ERICH2: variants seen among roughly 807,000 people sequenced by gnomAD.
ERICH2 encodes glutamate rich 2, also known as glutamate-rich protein 2.
In ERICH2, 17 loss-of-function variants were observed where a neutral mutation model predicts 17.4. The observed-to-expected ratio is 0.98, with a 90% CI of 0.67 to 1.47. ERICH2 has a LOEUF of 1.47. Ranked by LOEUF, ERICH2 falls within the 40% of genes most tolerant of loss-of-function variation. The pLI is 0.00. For missense variants in ERICH2, 186 were observed against 183.2 expected (o/e 1.01, Z -0.09); for synonymous variants, 51 against 61.1 (o/e 0.83, Z 0.77).
exon 2 of ERICH2, chr2:170,784,688 A>G (rs1237373298): frequency 1.9e-6 from 3 of 1,541,826 alleles, no homozygotes; most frequent in African/African-American, 1.4e-5. Flanking sequence ...CAGGAGAAAA[A>G]TAATGAATAT....
intron 2 of ERICH2, among the ~76,000 whole-genome samples, chr2:170,786,865 C>G (rs1054400529): frequency 6.6e-6 from 1 of 152,018 alleles, no homozygotes; most frequent in African/African-American, 2.4e-5. Flanking sequence ...TTATTTCTGT[C>G]ATCATCATGT....
chr2:170,783,507 T>A (rs1397052046), upstream of ERICH2, among the ~76,000 whole-genome samples: 1 of 151,990 alleles, frequency 6.6e-6, no homozygotes, highest in Non-Finnish European at 1.5e-5. Context: ...CGAGATCACA[T>A]CACTGAACTC....
chr2:170,775,137 C>CTGAATA, the ERICH2 span, among the ~76,000 whole-genome samples: 6 of 151,712 alleles, frequency 4.0e-5, no homozygotes, highest in Non-Finnish European at 7.4e-5. Flanking sequence ...GAGGACTGCT[C>CTGAATA]TAAAGGTGGG....
At chr2:170,775,444 T>A in the ERICH2 span, among the ~76,000 whole-genome samples, 2 of 151,592 alleles carry the variant, frequency 1.3e-5, no homozygotes, top group African/African-American at 4.8e-5. Flanking sequence ...AATAATAATA[T>A]TATTAATAAA....
In ERICH2 at chr2:170,788,291, A is replaced by G. The variant is rs568318952; in HGVS notation, c.216+3458A>G. Among the ~76,000 whole-genome samples, 7 of 152,284 alleles carry G rather than the reference A, an allele frequency of 4.6e-5. No individual in the cohort carries two copies. The South Asian group carries it at 1.2e-3, about 27-fold the overall frequency. On this transcript the variant is annotated intron_variant, in intron 2 of 4. Coordinates refer to ENST00000409885, the Ensembl canonical transcript of ERICH2. ...TTCAATGACCCTATCTACCATAACT[A>G]GACTCTCTGGAGTTGTTTTGTTTTT...
In ERICH2 at chr2:170,798,767, C is replaced by T; in HGVS notation, c.347-3C>T. On this transcript the variant is annotated splice_region_variant and splice_polypyrimidine_tract_variant and intron_variant, in intron 4 of 4. Transcript: ENST00000409885. ...TAAGCAATCCTCTTCCTTTCTGTGG[C>T]AGAGAAAACTCAGAATCATGAGCAA... 3.9e-6 allele frequency: 6 copies of T among 1,550,356 alleles called. No homozygotes were observed. The highest frequency in any genetic ancestry group is 2.0e-5 in the Admixed American group (1 of 50,954).
chr2:170,775,746 T>C, the ERICH2 span: 4 of 153,794 alleles, frequency 2.6e-5, no homozygotes, highest in Non-Finnish European at 5.9e-5. Context: ...GCTAATCGAA[T>C]TAACGTATGT....
the ERICH2 span, chr2:170,771,026 C>A: frequency 6.6e-6 from 1 of 150,926 alleles, no homozygotes; most frequent in South Asian, 2.0e-4. The surrounding 1 kb of genome is among the most constrained non-coding windows in gnomAD (Gnocchi z 4.8). Context: ...ATTCCCCCAG[C>A]CCCCACCCTC....
the ERICH2 span, chr2:170,775,662 T>G: frequency 2.0e-5 from 3 of 152,502 alleles, no homozygotes; most frequent in Non-Finnish European, 4.4e-5. Context: ...GAGTTTGGTC[T>G]TCCACAACTG....
chr2:170,790,905 GATA>G (rs1217740625), intron 2 of ERICH2, among the ~76,000 whole-genome samples: 4 of 151,456 alleles, frequency 2.6e-5, no homozygotes, highest in Admixed American at 6.6e-5. Flanking sequence ...AAGCTTTGAT[GATA>G]ATGATGATGA....
upstream of ERICH2, chr2:170,783,299 T>C (rs530848014): frequency 4.6e-5 from 7 of 153,690 alleles, 1 homozygote; most frequent in East Asian, 1.3e-3. Flanking sequence ...ACACAAACAC[T>C]GTAAACTTAG....
At chr2:170,795,697 G>A (rs998796783) in intron 3 of ERICH2, among the ~76,000 whole-genome samples, 1 of 152,114 alleles carries the variant, frequency 6.6e-6, no homozygotes, top group African/African-American at 2.4e-5. Context: ...AGTACTTTAC[G>A]TTTCTCCATT....
At chr2:170,795,313 T>C (rs1049108445) in intron 3 of ERICH2, among the ~76,000 whole-genome samples, 2 of 151,806 alleles carry the variant, frequency 1.3e-5, no homozygotes, top group African/African-American at 4.8e-5. Context: ...GATAGAATCA[T>C]GTTCAATTCT....
chr2:170,780,625 C>T (rs1701004230), upstream of ERICH2, among the ~76,000 whole-genome samples: 3 of 152,100 alleles, frequency 2.0e-5, no homozygotes, highest in South Asian at 6.2e-4. Context: ...TATATAAGTG[C>T]CATATTTTAT....
intron 2 of ERICH2, 140 bp downstream of exon 7, chr2:170,784,973 C>G (rs1341417702): frequency 9.1e-6 from 6 of 662,000 alleles, no homozygotes; most frequent in Non-Finnish European, 1.4e-5. Flanking sequence ...TTACCAGAAG[C>G]TGGACGGGAA....
chr2:170,779,604 A>AT (rs1700981076), upstream of ERICH2, among the ~76,000 whole-genome samples: 2 of 152,282 alleles, frequency 1.3e-5, no homozygotes, highest in Admixed American at 1.3e-4. Context: ...ACCTTACTGG[A>AT]TTTTTTGGTC....
the ERICH2 span, among the ~76,000 whole-genome samples, chr2:170,774,241 G>A: frequency 6.6e-6 from 1 of 152,142 alleles, no homozygotes; most frequent in African/African-American, 2.4e-5. Flanking sequence ...TAATCTGCTT[G>A]TCTCAATCAC....
intron 4 of ERICH2, 32 bp from the exon 10 acceptor site, chr2:170,798,738 A>C: frequency 6.5e-7 from 1 of 1,548,282 alleles, no homozygotes; most frequent in Non-Finnish European, 8.7e-7. Flanking sequence ...ATTAAGAAAC[A>C]CCTTAAGCAA....
At chr2:170,770,900 G>C in the ERICH2 span, 5 of 113,884 alleles carry the variant, frequency 4.4e-5, no homozygotes, top group Admixed American at 4.0e-4. Flanking sequence ...CGCCCGCTCC[G>C]TCCCGCGCCC....
Sources: gnomAD v4.1 joint callset for allele counts (sites outside exome capture counted in the v4.1 genomes callset) on GRCh38, gnomAD v4.1.1 for gene constraint, Gnocchi (gnomAD v3.1) non-coding constraint, MANE v1.5 for transcripts, NCBI Gene and HGNC (gene_info 2026-07-23, HGNC 2026-07-21) for gene names.